Variants in PLOD2 observed in about 807,000 individuals in gnomAD.
PLOD2 encodes the protein lysine hydroxylase 2.
Under a neutral mutation model 101.0 loss-of-function variants are expected in PLOD2, and 65 were observed. The observed-to-expected ratio is 0.64, with a 90% confidence interval of 0.53 to 0.79. The LOEUF (loss-of-function observed/expected upper bound fraction) is 0.79, where lower values mean the gene tolerates loss of function less well. PLOD2 is among the 30% of genes least tolerant of loss of function. The pLI is 0.00. For synonymous variants in PLOD2, 314 were observed against 302.9 expected, an observed-to-expected ratio of 1.04 and a Z score of -0.38; for missense variants, 909 against 914.6, an observed-to-expected ratio of 0.99 and a Z score of 0.08.
Position 146,113,677 on chromosome 3 carries a change from C to T in PLOD2, c.339-3229G>A, listed in dbSNP as rs191397741. Among the ~76,000 whole-genome samples the T allele has an allele frequency of 4.1e-3, 623 of 152,252 alleles. 1 individual carries two copies. The highest frequency in any genetic ancestry group is 0.014 in the African/African-American group (600 of 41,548). The stretch of plus-strand genomic sequence containing the variant: ...TTTAATCTCTTAATCCCGTCATCTT[C>T]GTAAGCTGAGGATGTGCGTAGCCTT... On this transcript the variant is annotated intron_variant, in intron 3 of 19. Coordinates refer to ENST00000282903, the MANE Select transcript of PLOD2 (RefSeq NM_182943.3).
intron 3 of PLOD2, among the ~76,000 whole-genome samples, chr3:146,119,285 A>G (rs1179600112): frequency 1.3e-5 from 2 of 152,138 alleles, no homozygotes; most frequent in East Asian, 3.9e-4. Flanking sequence ...CCTCTCCAGA[A>G]GCCAAGCAGC....
At chr3:146,123,949 A>G (rs1420665636) in intron 2 of PLOD2, among the ~76,000 whole-genome samples, 189 bp downstream of exon 2, 2 of 151,950 alleles carry the variant, frequency 1.3e-5, no homozygotes, top group Non-Finnish European at 2.9e-5. Context: ...CTATCCCCTC[A>G]CCTCAAGCAT....
At chr3:146,107,902 C>G (rs2108064736) in intron 4 of PLOD2, among the ~76,000 whole-genome samples, 1 of 151,944 alleles carries the variant, frequency 6.6e-6, no homozygotes, top group Admixed American at 6.6e-5. Flanking sequence ...CCTCAGCCTC[C>G]CAAAGTGCTG....
chr3:146,104,217 G>A (rs1937490373), intron 6 of PLOD2, 62 bp downstream of exon 6: 2 of 923,776 alleles, frequency 2.2e-6, no homozygotes, highest in Middle Eastern at 2.1e-4. Flanking sequence ...ACAAAGGAAA[G>A]ATAGTTGAAA....
chr3:146,079,312 T>A (rs563721138), intron 12 of PLOD2, 55 bp from the exon 13 acceptor site: 1 of 1,375,572 alleles, frequency 7.3e-7, no homozygotes, highest in South Asian at 1.2e-5. Flanking sequence ...AATTTTAAGT[T>A]TCATTTTTAC....
At chr3:146,155,902 C>T (rs1260593120) in intron 1 of PLOD2, among the ~76,000 whole-genome samples, 1 of 152,052 alleles carries the variant, frequency 6.6e-6, no homozygotes, top group African/African-American at 2.4e-5. Flanking sequence ...TAAAAATACT[C>T]ATTGATAAAC....
intron 8 of PLOD2, among the ~76,000 whole-genome samples, chr3:146,089,651 A>G (rs1008961290): frequency 2.6e-5 from 4 of 151,668 alleles, no homozygotes; most frequent in African/African-American, 9.7e-5. Context: ...TTATCTGTAT[A>G]ATAACATATG....
rs116614890 is a variant in PLOD2 at position 146,116,614 on chromosome 3, A to G, written c.338+4498T>C. On this transcript the variant is annotated intron_variant, in intron 3 of 19. Coordinates refer to ENST00000282903, the MANE Select transcript of PLOD2 (RefSeq NM_182943.3). ...GTATGTATCAACAGATGAATGGATA[A>G]AGGAAATACGGAGTACACACATAAT... Among the ~76,000 whole-genome samples, 1,084 of 152,288 alleles carry G rather than the reference A, an allele frequency of 7.1e-3. 9 individuals are homozygous for G. Among genetic ancestry groups the G allele is most frequent in the Non-Finnish European group, 9.7e-3 (663 of 68,018 alleles).
intron 1 of PLOD2, among the ~76,000 whole-genome samples, chr3:146,152,377 A>T (rs1275208285): frequency 6.6e-6 from 1 of 151,954 alleles, no homozygotes; most frequent in African/African-American, 2.4e-5. Context: ...CCGAGATTGC[A>T]CCACTCCACT....
At chr3:146,157,339 A>G (rs1378899817) in intron 1 of PLOD2, among the ~76,000 whole-genome samples, 2 of 152,360 alleles carry the variant, frequency 1.3e-5, no homozygotes, top group Admixed American at 1.3e-4. Context: ...CTATAGTACA[A>G]AGTAAATATG....
At chr3:146,110,030 A>G (rs994232307) in intron 4 of PLOD2, among the ~76,000 whole-genome samples, 4 of 152,182 alleles carry the variant, frequency 2.6e-5, no homozygotes, top group African/African-American at 7.2e-5. Context: ...TAACAACAGA[A>G]TATCTCTAGA....
In PLOD2 at chr3:146,124,323, C is replaced by T. The variant is rs150662507; in HGVS notation, c.110-94G>A. 3.3e-5 allele frequency: 24 copies of T among 717,154 alleles called. No individual in the cohort carries two copies. In the East Asian group the frequency reaches 5.0e-4, roughly 15 times the overall value. The allele number at this position is 717,154 out of a possible 1,614,324, so 44.4% of individuals were successfully genotyped here. On this transcript the variant is annotated intron_variant, in intron 1 of 19. Coordinates refer to ENST00000282903, the MANE Select transcript of PLOD2 (RefSeq NM_182943.3). ...ACAGTAATTGAGACCTCACTAAACC[C>T]GTGGGAATATTCTGGTTTACTTATC...
At chr3:146,098,009 C>T (rs867250152) in intron 7 of PLOD2, among the ~76,000 whole-genome samples, 2 of 151,952 alleles carry the variant, frequency 1.3e-5, no homozygotes, top group African/African-American at 2.4e-5. Context: ...AATGAGAACT[C>T]GTGGACACAG....
chr3:146,086,371 G>A (rs1219323442), intron 10 of PLOD2: 1 of 154,398 alleles, frequency 6.5e-6, no homozygotes, highest in Admixed American at 6.5e-5. Context: ...TGGGATTACA[G>A]TATTATCTAG....
At chr3:146,126,952 GATAA>G (rs1297814495) in intron 1 of PLOD2, among the ~76,000 whole-genome samples, 2 of 152,048 alleles carry the variant, frequency 1.3e-5, no homozygotes, top group Non-Finnish European at 2.9e-5. Context: ...GGCCATATGT[GATAA>G]ATACTGAAAC....
intron 1 of PLOD2, among the ~76,000 whole-genome samples, chr3:146,146,923 G>A (rs539938675): frequency 6.6e-6 from 1 of 152,238 alleles, no homozygotes; most frequent in East Asian, 1.9e-4. Context: ...ACCAACATAG[G>A]GTTCCTGCTT....
chr3:146,102,874 G>A, intron 6 of PLOD2, 22 bp from the exon 7 acceptor site: 2 of 1,268,294 alleles, frequency 1.6e-6, no homozygotes, highest in Non-Finnish European at 2.3e-6. Flanking sequence ...AGAGAAAATA[G>A]GCTTTAGTAA....
At chr3:146,128,880 C>CTGTTTTTT (rs2030739457) in intron 1 of PLOD2, among the ~76,000 whole-genome samples, 1 of 73,180 alleles carries the variant, frequency 1.4e-5, no homozygotes, top group African/African-American at 5.4e-5. Flanking sequence ...ATCTGAAATC[C>CTGTTTTTT]TTTTTTTTTT....
At chr3:146,137,772 C>T (rs1427277764) in intron 1 of PLOD2, among the ~76,000 whole-genome samples, 1 of 151,984 alleles carries the variant, frequency 6.6e-6, no homozygotes, top group Non-Finnish European at 1.5e-5. Context: ...TGAAGAGATG[C>T]GGATGACGCT....
Sources: allele counts gnomAD v4.1 joint callset (sites outside exome capture counted in the v4.1 genomes callset), GRCh38; gene constraint gnomAD v4.1.1; transcripts MANE v1.5; gene names NCBI Gene and HGNC (gene_info 2026-07-23, HGNC 2026-07-21).